HELZ: variants seen among roughly 807,000 people sequenced by gnomAD.
HELZ encodes ATP-dependent RNA helicase with zinc finger domain.
In HELZ, 23 loss-of-function variants were observed where a neutral mutation model predicts 218.2. The observed-to-expected ratio is 0.11, with a 90% CI of 0.08 to 0.15. The LOEUF (loss-of-function observed/expected upper bound fraction) is 0.15. Among genes scored for constraint, HELZ ranks in the 10% least tolerant of loss-of-function variants. The probability of loss-of-function intolerance (pLI) is 1.00; values close to 1 mark genes in which losing one functional copy is unlikely to be tolerated. For missense variants in HELZ, 1,813 were observed against 2,353.7 expected (o/e 0.77, Z 4.75); for synonymous variants, 814 against 829.4 (o/e 0.98, Z 0.32).
At chr17:67,191,403 A>G (rs1167354048) in intron 9 of HELZ, among the ~76,000 whole-genome samples, 2 of 152,242 alleles carry the variant, frequency 1.3e-5, no homozygotes, top group Admixed American at 1.3e-4. Flanking sequence ...TACAACTCGG[A>G]AAATTCAACT....
chr17:67,164,586 C>T (rs1393498780), intron 15 of HELZ, among the ~76,000 whole-genome samples: 1 of 151,944 alleles, frequency 6.6e-6, no homozygotes, highest in Non-Finnish European at 1.5e-5. Context: ...AAAGAGGGTA[C>T]ATTTATGTTA....
intron 3 of HELZ, chr17:67,224,635 G>C (rs1406675982): frequency 5.2e-6 from 3 of 579,416 alleles, no homozygotes; most frequent in Non-Finnish European, 9.5e-6. Flanking sequence ...AAATAAGTGA[G>C]CATGGGAGAC....
chr17:67,144,330 G>A (rs2143999477), intron 21 of HELZ, among the ~76,000 whole-genome samples: 1 of 152,154 alleles, frequency 6.6e-6, no homozygotes, highest in African/African-American at 2.4e-5. Context: ...TTTGACTACA[G>A]TAACTTATGG....
Position 67,226,085 on chromosome 17 carries a change from C to A in HELZ, c.-18-7263G>T, listed in dbSNP as rs143026941. 4.7e-3 allele frequency among the ~76,000 whole-genome samples: 711 copies of A among 151,922 alleles called. 5 individuals are homozygous for A. Among genetic ancestry groups the A allele is most frequent in the African/African-American group, 0.016 (676 of 41,440 alleles). On this transcript the variant is annotated intron_variant, in intron 3 of 32. Transcript: ENST00000358691. ...GACCATCCTGGCCAACATGGTGAAA[C>A]CCCATCTTTCCTAAAAATACAAAAA...
At position 67,136,126 on chromosome 17, in the gene HELZ, A is replaced by G. The variant is rs760395927; in HGVS notation, c.3026T>C (p.Ile1009Thr). ...RHTCKHKQTP[I>T]KKKEQLLEDS... ...TTCCAGAAGTTGCTCTTTCTTTTTAATTGGTGTCTGTTTATGTTTACAAGT... is the reference window on the plus strand; with the variant it reads ...TTCCAGAAGTTGCTCTTTCTTTTTAGTTGGTGTCTGTTTATGTTTACAAGT... Residue 1009 changes from isoleucine to threonine, a missense_variant, in exon 23 of 33, where the codon ATT (isoleucine) becomes ACT (threonine). Coordinates refer to ENST00000358691, the MANE Select transcript of HELZ (RefSeq NM_014877.4). 5 of 1,613,980 alleles carry G rather than the reference A, an allele frequency of 3.1e-6. No homozygotes were observed. Among genetic ancestry groups the G allele is most frequent in the Non-Finnish European group, 3.4e-6 (4 of 1,179,914 alleles).
intron 23 of HELZ, among the ~76,000 whole-genome samples, chr17:67,135,305 C>T (rs908356038): frequency 6.6e-6 from 1 of 152,070 alleles, no homozygotes; most frequent in Non-Finnish European, 1.5e-5. Flanking sequence ...GGAAATTCAT[C>T]AAAAATTAGA....
intron 4 of HELZ, among the ~76,000 whole-genome samples, chr17:67,217,932 T>TG (rs2040646433): frequency 6.7e-6 from 1 of 148,270 alleles, no homozygotes; most frequent in South Asian, 2.1e-4. Context: ...TTTTTGTTGT[T>TG]TTTTTTTTTT....
chr17:67,178,540 G>C (rs1461423467), intron 13 of HELZ, 119 bp downstream of exon 13: 1 of 790,064 alleles, frequency 1.3e-6, no homozygotes, highest in African/African-American at 1.8e-5. Flanking sequence ...ATAGAATACA[G>C]TTATTCAATA....
chr17:67,161,024 C>A lies in HELZ; in HGVS notation c.1948G>T (p.Val650Phe), dbSNP rs751427629. ...PRLNAKQKEA[V>F]LAITTPLAIQ... is the part of the protein sequence containing the mutation. ...GCAAGTGGAGTGGTAATGGCCAGAA[C>A]AGCCTCTTTCTGTTTTGCATTTAGT... Residue 650 changes from valine (V) to phenylalanine (F), a missense_variant, in exon 16 of 33, where the codon GTT becomes TTT. Val to Phe is a conservative substitution (Grantham distance 50). Around this residue, in one of 4 missense-constraint regions of HELZ, gnomAD observed 714 missense variants for 1,029.2 expected, o/e 0.69. Transcript: ENST00000358691. 1 of 1,613,258 alleles carries A rather than the reference C, an allele frequency of 6.2e-7. No individual in the cohort carries two copies. The highest frequency in any genetic ancestry group is 1.1e-5 in the South Asian group (1 of 90,876).
intron 26 of HELZ, among the ~76,000 whole-genome samples, chr17:67,122,694 G>A (rs1268875568): frequency 6.6e-6 from 1 of 151,590 alleles, no homozygotes; most frequent in African/African-American, 2.4e-5. Flanking sequence ...GGCAACAAGA[G>A]CAAAACTCTA....
intron 8 of HELZ, 85 bp from the exon 9 acceptor site, chr17:67,194,127 C>T: frequency 1.1e-6 from 1 of 891,310 alleles, no homozygotes; most frequent in African/African-American, 1.7e-5. Flanking sequence ...ACTACAATCC[C>T]TCCACATACA....
chr17:67,204,390 A>C (rs2040243510), intron 5 of HELZ, among the ~76,000 whole-genome samples: 1 of 152,148 alleles, frequency 6.6e-6, no homozygotes, highest in South Asian at 2.1e-4. Context: ...TTTCTCCTCC[A>C]ATTCTGATCA....
intron 3 of HELZ, among the ~76,000 whole-genome samples, chr17:67,222,040 A>G (rs752657827): frequency 2.3e-4 from 35 of 151,974 alleles, no homozygotes; most frequent in Non-Finnish European, 3.5e-4. Flanking sequence ...CAGGGTTTCA[A>G]TGTGTGGCCT....
intron 12 of HELZ, among the ~76,000 whole-genome samples, chr17:67,184,478 C>G (rs2039697867): frequency 6.6e-6 from 1 of 151,944 alleles, no homozygotes; most frequent in Non-Finnish European, 1.5e-5. Context: ...TAAATATTTC[C>G]CACTGAGAAG....
chr17:67,086,625 AAT>A (rs774731220), intron 32 of HELZ, among the ~76,000 whole-genome samples: 1 of 38,546 alleles, frequency 2.6e-5, no homozygotes, highest in Non-Finnish European at 4.6e-5. Context: ...AATAAATATA[AAT>A]ATAAATATAT....
rs1482562934 is a variant in HELZ, at chr17:67,188,380, G to A, written c.1101C>T (p.Phe367=). 2.5e-6 allele frequency: 4 copies of A among 1,613,686 alleles called. No individual in the cohort carries two copies. Among genetic ancestry groups the A allele is most frequent in the African/African-American group, 1.3e-5 (1 of 74,870 alleles). The part of the protein sequence containing the change: ...IFGTFRQTIV[F]DFGLEPVLMQ... Reference sequence around the variant, plus strand: ...TGAGTACTGGTTCCAATCCAAAGTCGAAAACTATGGTTTGGCGAAAAGTTC... The same window carrying A: ...TGAGTACTGGTTCCAATCCAAAGTCAAAAACTATGGTTTGGCGAAAAGTTC... Residue 367 remains phenylalanine, a synonymous_variant, in exon 12 of 33, where the codon TTC becomes TTT. Coordinates refer to ENST00000358691, the MANE Select transcript of HELZ (RefSeq NM_014877.4). This position sits in a 1 kb window ranked among gnomAD's most constrained non-coding sequence, Gnocchi z 4.1.
chr17:67,204,690 A>T (rs969115489), intron 5 of HELZ, among the ~76,000 whole-genome samples: 2 of 152,150 alleles, frequency 1.3e-5, no homozygotes, highest in African/African-American at 4.8e-5. Context: ...TGTATTTGAC[A>T]GGGTTTTATT....
intron 5 of HELZ, among the ~76,000 whole-genome samples, chr17:67,205,799 T>C (rs1283034897): frequency 6.6e-6 from 1 of 152,272 alleles, no homozygotes; most frequent in Non-Finnish European, 1.5e-5. Context: ...TACATTGCTG[T>C]ATGAATATCT....
In HELZ at chr17:67,129,497, A is replaced by T. The variant is rs113002573; in HGVS notation, c.3183-642T>A. Among the ~76,000 whole-genome samples, 17 of 152,226 alleles carry T rather than the reference A, an allele frequency of 1.1e-4. 1 individual carries two copies. Among genetic ancestry groups the T allele is most frequent in the African/African-American group, 3.8e-4 (16 of 41,568 alleles). ...TGACTAAGAAAAGCCAACTCAAGACATAAATTTGAGTCACAAAGTACATAA... is the reference window on the plus strand; with the variant it reads ...TGACTAAGAAAAGCCAACTCAAGACTTAAATTTGAGTCACAAAGTACATAA... On this transcript the variant is annotated intron_variant, in intron 23 of 32. Coordinates refer to ENST00000358691, the MANE Select transcript of HELZ (RefSeq NM_014877.4).
Sources: allele counts gnomAD v4.1 joint callset (sites outside exome capture counted in the v4.1 genomes callset), GRCh38; gene constraint gnomAD v4.1.1; regional missense constraint gnomAD v4.1.1; non-coding constraint Gnocchi (gnomAD v3.1); transcripts MANE v1.5; gene names NCBI Gene and HGNC (gene_info 2026-07-23, HGNC 2026-07-21).